Variants in IL31RA observed in about 807,000 individuals in gnomAD.
The protein encoded by IL31RA is interleukin 31 receptor A.
Under a neutral mutation model 83.7 loss-of-function variants are expected in IL31RA, and 66 were observed. The observed-to-expected ratio is 0.79, with a 90% confidence interval of 0.65 to 0.97. The LOEUF is 0.97. Ranked by LOEUF, IL31RA falls within the 50% of genes least tolerant of loss-of-function variation. The pLI, the probability that IL31RA is intolerant of heterozygous loss-of-function variation, is 0.00. For missense variants in IL31RA, 798 were observed against 919.4 expected (o/e 0.87, Z 1.71); for synonymous variants, 325 against 329.0 (o/e 0.99, Z 0.13).
intron 2 of IL31RA, among the ~76,000 whole-genome samples, chr5:55,860,838 G>A (rs1334638631): frequency 1.3e-5 from 2 of 152,166 alleles, no homozygotes; most frequent in Admixed American, 6.5e-5. Flanking sequence ...AGACTGGGTG[G>A]CTTAAGCAAC....
rs1748942774 is a variant in IL31RA, at chr5:55,903,380, AG to A, written c.1070-2724del. On this transcript the variant is annotated intron_variant, in intron 8 of 14. Transcript: ENST00000652347. This position sits in a 1 kb window ranked among gnomAD's most constrained non-coding sequence, Gnocchi z 4.7. Reference sequence around the variant, plus strand: ...AAGCCCCTCCCTGCTTCTTCAAGGAAGGATCTGTGTTTCCCACCACACCTGG... The same window carrying A: ...AAGCCCCTCCCTGCTTCTTCAAGGAAGATCTGTGTTTCCCACCACACCTGG... Among the ~76,000 whole-genome samples, 1 of 152,234 alleles carries A rather than the reference AG, an allele frequency of 6.6e-6. No individual in the cohort carries two copies. Among genetic ancestry groups the A allele is most frequent in the Non-Finnish European group, 1.5e-5 (1 of 68,034 alleles).
intron 6 of IL31RA, 81 bp from the exon 7 acceptor site, chr5:55,896,269 C>T: frequency 1.1e-6 from 1 of 951,338 alleles, no homozygotes; most frequent in South Asian, 1.3e-5. Flanking sequence ...CAAATCCTTC[C>T]CAACTGCCCA....
chr5:55,855,058 A>T (rs1462582114), intron 1 of IL31RA, among the ~76,000 whole-genome samples: 2 of 152,090 alleles, frequency 1.3e-5, no homozygotes, highest in African/African-American at 2.4e-5. Context: ...GCATCGCTTG[A>T]CTACCTCCCT....
At chr5:55,898,284 C>G (rs55748070) in intron 7 of IL31RA, among the ~76,000 whole-genome samples, 2 of 151,662 alleles carry the variant, frequency 1.3e-5, no homozygotes, top group Non-Finnish European at 2.9e-5. Context: ...GCCTCCTCCC[C>G]GTCGCCTGTT....
chr5:55,867,511 T>A (rs1444094761), intron 2 of IL31RA, among the ~76,000 whole-genome samples: 1 of 152,168 alleles, frequency 6.6e-6, no homozygotes, highest in Non-Finnish European at 1.5e-5. Context: ...AAATTTGTGA[T>A]CTGGTAATAT....
In IL31RA at chr5:55,920,972, T is replaced by G. The variant is rs1750063472; in HGVS notation, c.*3852T>G. The stretch of plus-strand genomic sequence containing the variant: ...GAAGGTGCTACTGGCATCTAGTGGG[T>G]AGAGGCCGGCAATGCTGGAAATTAT... On this transcript the variant is annotated 3_prime_UTR_variant, in exon 15 of 15. Transcript: ENST00000652347. Among the ~76,000 whole-genome samples the G allele has an allele frequency of 6.6e-6, 1 of 152,120 alleles. No individual in the cohort carries two copies. Among genetic ancestry groups the G allele is most frequent in the Admixed American group, 6.5e-5 (1 of 15,272 alleles).
intron 11 of IL31RA, 122 bp from the exon 12 acceptor site, chr5:55,910,410 G>T: frequency 9.7e-7 from 1 of 1,035,328 alleles, no homozygotes; most frequent in Non-Finnish European, 1.5e-6. Context: ...ATGAATAGGG[G>T]TCAGAATATG....
rs35481013 is a variant in IL31RA at position 55,886,268 on chromosome 5, CTTTTTTTT to C, written c.606+3089_606+3096del. Among the ~76,000 whole-genome samples the C allele has an allele frequency of 1.2e-3, 87 of 71,506 alleles. 2 individuals are homozygous for C. Among genetic ancestry groups the C allele is most frequent in the African/African-American group, 6.3e-3 (86 of 13,720 alleles). 46.9% of individuals were successfully genotyped at this position (71,506 alleles called of 152,430 possible). A position where few individuals can be genotyped will look rare whatever the true frequency, so the allele number is the denominator to read the frequency against. ...GCTAGCTTGCTTGCTTGCTTGCTTG[CTTTTTTTT>C]TTTTTTTTTTTTTTTGAGGTGGAGT... On this transcript the variant is annotated intron_variant, in intron 5 of 14. Coordinates refer to ENST00000652347, the MANE Select transcript of IL31RA (RefSeq NM_139017.7).
intron 5 of IL31RA, 108 bp from the exon 6 acceptor site, chr5:55,889,862 A>T: frequency 1.1e-6 from 1 of 947,036 alleles, no homozygotes; most frequent in Non-Finnish European, 1.7e-6. Flanking sequence ...AATTTGATTT[A>T]GAGTGTTACT....
rs2112616903 is a variant in IL31RA, at chr5:55,922,375, T to C, written c.*5255T>C. ...CTGTTCAAGGGAAGTGAGATACTTG[T>C]ACTATGCATTTCATTTTTAGGACTA... On this transcript the variant is annotated 3_prime_UTR_variant, in exon 15 of 15. Coordinates refer to ENST00000652347, the MANE Select transcript of IL31RA (RefSeq NM_139017.7). The C allele has an allele frequency of 3.9e-6, 6 of 1,548,074 alleles. No homozygotes were observed. Among genetic ancestry groups the C allele is most frequent in the Non-Finnish European group, 5.2e-6 (6 of 1,144,256 alleles).
chr5:55,904,567 C>T (rs770508507), intron 8 of IL31RA, among the ~76,000 whole-genome samples: 26 of 152,334 alleles, frequency 1.7e-4, no homozygotes, highest in Non-Finnish European at 2.9e-4. Context: ...CACATTTCCT[C>T]CATGCCTCAG....
chr5:55,846,722 G>T (rs1340735100), upstream of IL31RA, among the ~76,000 whole-genome samples: 1 of 152,030 alleles, frequency 6.6e-6, no homozygotes, highest in African/African-American at 2.4e-5. Flanking sequence ...GCTTGAACCC[G>T]GGCAAAGTTC....
chr5:55,881,466 G>A (rs567424217), intron 4 of IL31RA, among the ~76,000 whole-genome samples: 11 of 152,036 alleles, frequency 7.2e-5, no homozygotes, highest in Admixed American at 5.9e-4. Flanking sequence ...TTTCTACGCC[G>A]GCCTACTTCC....
chr5:55,883,526 C>T (rs1561555342), intron 5 of IL31RA, among the ~76,000 whole-genome samples: 1 of 152,026 alleles, frequency 6.6e-6, no homozygotes, highest in Non-Finnish European at 1.5e-5. Flanking sequence ...TTTTTCTGAC[C>T]TTTTATAAAA....
At chr5:55,876,142 T>G (rs1746833278) in intron 4 of IL31RA, among the ~76,000 whole-genome samples, 1 of 152,182 alleles carries the variant, frequency 6.6e-6, no homozygotes, top group Non-Finnish European at 1.5e-5. Flanking sequence ...GCGCGGTGGC[T>G]CATGCCTGTA....
intron 3 of IL31RA, 123 bp downstream of exon 3, chr5:55,869,031 A>G (rs1746356979): frequency 1.3e-6 from 1 of 757,418 alleles, no homozygotes; most frequent in South Asian, 1.4e-5. Flanking sequence ...CTGGGTGATT[A>G]CTGTGTGCAG....
chr5:55,889,772 T>TA (rs1747864984), intron 5 of IL31RA, among the ~76,000 whole-genome samples, 198 bp from the exon 6 acceptor site: 2 of 152,188 alleles, frequency 1.3e-5, no homozygotes, highest in African/African-American at 2.4e-5. Context: ...TGGTGGTTCA[T>TA]GGGGATGTTC....
In IL31RA at chr5:55,900,068, T is replaced by A; in HGVS notation, c.1005T>A (p.Ile335=). 6.2e-7 allele frequency: 1 copy of A among 1,614,136 alleles called. No homozygotes were observed. The highest frequency in any genetic ancestry group is 8.5e-7 in the Non-Finnish European group (1 of 1,179,992). ...GCGAGAGCTTTTGGGTGTCTATGAT[T>A]TCTTATAATTCTCTTGGGAAGTCTC... ...LGGESFWVSM[I]SYNSLGKSPV... The change falls in exon 8 of 15, where the codon ATT becomes ATA. Residue 335 remains isoleucine, a synonymous_variant. Coordinates refer to ENST00000652347, the MANE Select transcript of IL31RA (RefSeq NM_139017.7).
At chr5:55,886,971 A>G (rs1747656587) in intron 5 of IL31RA, among the ~76,000 whole-genome samples, 2 of 152,196 alleles carry the variant, frequency 1.3e-5, no homozygotes, top group African/African-American at 4.8e-5. Flanking sequence ...TCTTCCAGTT[A>G]CACTGTAAAT....
Sources: gnomAD v4.1 joint callset for allele counts (sites outside exome capture counted in the v4.1 genomes callset) on GRCh38, gnomAD v4.1.1 for gene constraint, Gnocchi (gnomAD v3.1) non-coding constraint, MANE v1.5 for transcripts, NCBI Gene and HGNC (gene_info 2026-07-23, HGNC 2026-07-21) for gene names.